Variants in MTREX observed in about 807,000 individuals in gnomAD.
MTREX encodes Mtr4 exosome RNA helicase.
A neutral mutation model predicts 135.4 loss-of-function variants in MTREX; 76 were observed. The observed-to-expected ratio is 0.56, with a 90% CI of 0.47 to 0.68. The LOEUF (loss-of-function observed/expected upper bound fraction) is 0.68, where lower values mean the gene tolerates loss of function less well. Ranked by LOEUF, MTREX falls within the 30% of genes least tolerant of loss-of-function variation. The pLI, the probability that MTREX is intolerant of heterozygous loss-of-function variation, is 0.00. For missense variants in MTREX, 920 were observed against 1,262.1 expected (o/e 0.73, Z 4.11); for synonymous variants, 404 against 401.6 (o/e 1.01, Z -0.07).
intron 16 of MTREX, among the ~76,000 whole-genome samples, chr5:55,374,769 T>C (rs1750266384): frequency 6.6e-6 from 1 of 152,222 alleles, no homozygotes; most frequent in South Asian, 2.1e-4. Context: ...CTAAGAGCCA[T>C]ATAGGATGAA....
chr5:55,319,099 T>A (rs1749246612), intron 1 of MTREX, among the ~76,000 whole-genome samples: 1 of 152,194 alleles, frequency 6.6e-6, no homozygotes, highest in Non-Finnish European at 1.5e-5. Context: ...TCTGAACTGT[T>A]TAGAGTAAGT....
At chr5:55,335,560 CT>C (rs1749540786) in intron 5 of MTREX, among the ~76,000 whole-genome samples, 1 of 152,052 alleles carries the variant, frequency 6.6e-6, no homozygotes. Flanking sequence ...AAAGTACTAT[CT>C]TTTCCCATTG....
At chr5:55,373,600 T>C (rs570997093) in intron 16 of MTREX, among the ~76,000 whole-genome samples, 91 of 152,360 alleles carry the variant, frequency 6.0e-4, no homozygotes, top group African/African-American at 2.0e-3. Context: ...TAAATGTGTT[T>C]TTTTGAGTTT....
chr5:55,377,960 G>A (rs533032183), intron 16 of MTREX, among the ~76,000 whole-genome samples: 3 of 151,046 alleles, frequency 2.0e-5, no homozygotes, highest in African/African-American at 7.3e-5. Flanking sequence ...GAGATCCTGA[G>A]TCATACCTTG....
chr5:55,397,846 A>G (rs1243016911), intron 20 of MTREX, among the ~76,000 whole-genome samples: 1 of 152,222 alleles, frequency 6.6e-6, no homozygotes, highest in Non-Finnish European at 1.5e-5. Flanking sequence ...AGGACATTTA[A>G]CCATTTTTTA....
intron 1 of MTREX, 94 bp from the exon 2 acceptor site, chr5:55,322,233 C>G (rs1328929138): frequency 2.0e-6 from 2 of 1,024,864 alleles, no homozygotes; most frequent in Non-Finnish European, 2.7e-6. Flanking sequence ...TAAAACATGA[C>G]TTTCTGTTAA....
chr5:55,381,428 T>A (rs1750395275), intron 18 of MTREX, among the ~76,000 whole-genome samples: 1 of 152,204 alleles, frequency 6.6e-6, no homozygotes, highest in South Asian at 2.1e-4. Flanking sequence ...ACAGACGCTT[T>A]AGCTGTATTC....
intron 21 of MTREX, among the ~76,000 whole-genome samples, chr5:55,400,768 A>G (rs770672801): frequency 1.3e-5 from 2 of 152,212 alleles, no homozygotes; most frequent in Non-Finnish European, 2.9e-5. Flanking sequence ...TAACTTCAGA[A>G]CATTCTTCTC....
chr5:55,396,883 T>C (rs1387816870), intron 19 of MTREX, among the ~76,000 whole-genome samples: 1 of 152,190 alleles, frequency 6.6e-6, no homozygotes, highest in Non-Finnish European at 1.5e-5. Flanking sequence ...AAGCAAAATT[T>C]GATGTCGATA....
chr5:55,403,207 A>C (rs947332956), intron 21 of MTREX, among the ~76,000 whole-genome samples: 2 of 152,090 alleles, frequency 1.3e-5, no homozygotes, highest in African/African-American at 4.8e-5. Flanking sequence ...TCTCTTTAAA[A>C]AAAAACAAAA....
intron 14 of MTREX, among the ~76,000 whole-genome samples, chr5:55,355,459 G>A (rs76781893): frequency 7.7e-4 from 117 of 152,282 alleles, no homozygotes; most frequent in Non-Finnish European, 1.4e-3. Context: ...GGCACCTGGG[G>A]GATGGAATGG....
intron 1 of MTREX, among the ~76,000 whole-genome samples, chr5:55,318,446 A>G (rs557291781): frequency 6.6e-6 from 1 of 152,356 alleles, no homozygotes; most frequent in East Asian, 1.9e-4. Flanking sequence ...GCCGTGAAAA[A>G]GAATGAGATC....
chr5:55,376,480 G>T (rs1455012115), intron 16 of MTREX, among the ~76,000 whole-genome samples: 1 of 152,228 alleles, frequency 6.6e-6, no homozygotes, highest in African/African-American at 2.4e-5. Flanking sequence ...GAATGGATTG[G>T]TGTAATGCCA....
Position 55,418,211 on chromosome 5 carries a change from G to A in MTREX, c.2971+2079G>A, listed in dbSNP as rs1410710083. Reference sequence around the variant, plus strand: ...ATTGTGCCACTGCACTCCAGCCTGGGTGACAGAGCGAGACACCATCTCAAA... The same window carrying A: ...ATTGTGCCACTGCACTCCAGCCTGGATGACAGAGCGAGACACCATCTCAAA... On this transcript the variant is annotated intron_variant, in intron 25 of 26. Coordinates refer to ENST00000230640, the MANE Select transcript of MTREX (RefSeq NM_015360.5). Among the ~76,000 whole-genome samples the A allele has an allele frequency of 7.9e-5, 11 of 140,084 alleles. No individual in the cohort carries two copies. The Admixed American group carries it at 8.4e-4, about 11-fold the overall frequency. 91.9% of individuals were successfully genotyped at this position (140,084 alleles called of 152,430 possible).
chr5:55,341,292 G>A (rs925513159), intron 6 of MTREX, among the ~76,000 whole-genome samples: 4 of 152,192 alleles, frequency 2.6e-5, no homozygotes, highest in Admixed American at 2.6e-4. Context: ...TTGAATAGAG[G>A]ATAATTTAAG....
chr5:55,324,253 A>G, intron 3 of MTREX, 55 bp downstream of exon 3: 6 of 1,277,264 alleles, frequency 4.7e-6, no homozygotes, highest in Non-Finnish European at 6.7e-6. Flanking sequence ...TTTTCTTTGG[A>G]CTATCTAGTA....
At chr5:55,392,022 A>G (rs957066601) in intron 19 of MTREX, among the ~76,000 whole-genome samples, 5 of 152,162 alleles carry the variant, frequency 3.3e-5, no homozygotes, top group African/African-American at 1.2e-4. Context: ...GCAGCAGGCA[A>G]GCGGGCCCCA....
intron 25 of MTREX, among the ~76,000 whole-genome samples, chr5:55,422,317 A>G (rs1751067595): frequency 6.6e-6 from 1 of 152,212 alleles, no homozygotes; most frequent in African/African-American, 2.4e-5. Context: ...AACACTGTGT[A>G]AAGAACGTAC....
chr5:55,354,697 G>A (rs1299288348), intron 14 of MTREX, among the ~76,000 whole-genome samples: 1 of 152,184 alleles, frequency 6.6e-6, no homozygotes, highest in African/African-American at 2.4e-5. Context: ...GAAAAGCTGA[G>A]TAGAGCTGCT....
Sources: allele counts gnomAD v4.1 joint callset (sites outside exome capture counted in the v4.1 genomes callset), GRCh38; gene constraint gnomAD v4.1.1; transcripts MANE v1.5; gene names NCBI Gene and HGNC (gene_info 2026-07-23, HGNC 2026-07-21).